Variants in SLC17A1 observed in about 807,000 individuals in gnomAD.
The protein encoded by SLC17A1 is sodium-dependent phosphate transport protein 1.
In SLC17A1, 51 loss-of-function variants were observed where a neutral mutation model predicts 53.5. The ratio of observed to expected loss-of-function variants is 0.95; its 90% CI spans 0.76 to 1.20. The LOEUF (loss-of-function observed/expected upper bound fraction) is 1.20. SLC17A1 is among the 50% of genes most tolerant of loss of function. The probability of loss-of-function intolerance (pLI) is 0.00; values close to 1 mark genes in which losing one functional copy is unlikely to be tolerated. For missense variants in SLC17A1, 538 were observed against 568.2 expected (o/e 0.95, Z 0.54); for synonymous variants, 179 against 198.8 (o/e 0.90, Z 0.84).
chr6:25,779,104 C>A (rs1303268993), downstream of SLC17A1: 1 of 1,613,782 alleles, frequency 6.2e-7, no homozygotes, highest in Non-Finnish European at 8.5e-7. Flanking sequence ...CTGCTGTTAA[C>A]ATATCGGGCC....
At chr6:25,759,628 G>T in the SLC17A1 span, among the ~76,000 whole-genome samples, 1 of 152,174 alleles carries the variant, frequency 6.6e-6, no homozygotes, top group African/African-American at 2.4e-5. Flanking sequence ...ACTCCAGCCT[G>T]GGCGGCAGAG....
At chr6:25,724,569 TAG>T in the SLC17A1 span, among the ~76,000 whole-genome samples, 5 of 152,228 alleles carry the variant, frequency 3.3e-5, no homozygotes, top group Non-Finnish European at 5.9e-5. Flanking sequence ...AGGATTGCAT[TAG>T]AGATAGAAAT....
chr6:25,736,129 T>A, the SLC17A1 span, among the ~76,000 whole-genome samples: 1 of 150,288 alleles, frequency 6.7e-6, no homozygotes, highest in Non-Finnish European at 1.5e-5. Context: ...GGTGGGGTGG[T>A]AGGGGGAATG....
the SLC17A1 span, among the ~76,000 whole-genome samples, chr6:25,753,736 T>G: frequency 6.6e-6 from 1 of 151,568 alleles, no homozygotes; most frequent in Non-Finnish European, 1.5e-5. Context: ...TGGAGGGAGA[T>G]TCAGTTCTGC....
intron 10 of SLC17A1, among the ~76,000 whole-genome samples, chr6:25,802,421 C>T (rs1763808152): frequency 6.6e-6 from 1 of 151,786 alleles, no homozygotes; most frequent in East Asian, 1.9e-4. Flanking sequence ...AATATTTTTC[C>T]TCTCCATTTC....
At chr6:25,728,030 C>A in the SLC17A1 span, among the ~76,000 whole-genome samples, 2 of 151,914 alleles carry the variant, frequency 1.3e-5, no homozygotes, top group African/African-American at 2.4e-5. Flanking sequence ...ACAAAAAAAC[C>A]CCCTAGTTTG....
chr6:25,735,843 G>T, the SLC17A1 span, among the ~76,000 whole-genome samples: 1 of 152,126 alleles, frequency 6.6e-6, no homozygotes, highest in African/African-American at 2.4e-5. Flanking sequence ...TCTGCACTCA[G>T]GTTTAATCAA....
the SLC17A1 span, among the ~76,000 whole-genome samples, chr6:25,746,605 T>A: frequency 6.6e-6 from 1 of 152,172 alleles, no homozygotes; most frequent in Non-Finnish European, 1.5e-5. Context: ...AAAAATCAAA[T>A]TCTTATCACC....
At chr6:25,769,737 CA>C in the SLC17A1 span, among the ~76,000 whole-genome samples, 19 of 152,018 alleles carry the variant, frequency 1.2e-4, no homozygotes, top group Non-Finnish European at 1.9e-4. Context: ...AAAATCACTA[CA>C]AAATATGTTT....
the SLC17A1 span, among the ~76,000 whole-genome samples, chr6:25,764,455 C>A: frequency 6.6e-6 from 1 of 152,224 alleles, no homozygotes; most frequent in Non-Finnish European, 1.5e-5. Context: ...ACAAGCACAA[C>A]ACTTTGAGAA....
intron 6 of SLC17A1, among the ~76,000 whole-genome samples, chr6:25,814,138 A>C (rs146486365): frequency 2.0e-5 from 3 of 152,314 alleles, no homozygotes; most frequent in African/African-American, 7.2e-5. Flanking sequence ...TTTTTATATG[A>C]ATAATTTGAC....
chr6:25,731,688 A>G, the SLC17A1 span: 1 of 850,624 alleles, frequency 1.2e-6, no homozygotes, highest in South Asian at 1.9e-5. Context: ...CATACTCTAT[A>G]ATAAAATAAA....
intron 6 of SLC17A1, among the ~76,000 whole-genome samples, chr6:25,814,362 C>A (rs1294184840): frequency 2.0e-5 from 3 of 152,144 alleles, no homozygotes; most frequent in Non-Finnish European, 4.4e-5. Context: ...TTATTTTATT[C>A]AATCAACTTC....
chr6:25,773,584 C>A, the SLC17A1 span: 1 of 1,613,962 alleles, frequency 6.2e-7, no homozygotes, highest in South Asian at 1.1e-5. Flanking sequence ...CCATTTTAGT[C>A]TCTTATTTCT....
intron 2 of SLC17A1, among the ~76,000 whole-genome samples, chr6:25,830,241 A>G (rs1764898036): frequency 6.6e-6 from 1 of 152,154 alleles, no homozygotes; most frequent in Non-Finnish European, 1.5e-5. Flanking sequence ...TCTCTTGGAG[A>G]TGGAACCAAA....
the SLC17A1 span, among the ~76,000 whole-genome samples, chr6:25,737,080 G>T: frequency 6.6e-6 from 1 of 152,144 alleles, no homozygotes; most frequent in Non-Finnish European, 1.5e-5. Flanking sequence ...AACCACCTTT[G>T]TAAAACTAAT....
the SLC17A1 span, chr6:25,726,532 T>C: frequency 2.5e-6 from 4 of 1,602,742 alleles, no homozygotes; most frequent in Admixed American, 1.7e-5. Context: ...AGACATCTCC[T>C]CGCATCAAAT....
At chr6:25,817,989 C>T (rs1044542953) in intron 6 of SLC17A1, among the ~76,000 whole-genome samples, 1 of 152,158 alleles carries the variant, frequency 6.6e-6, no homozygotes, top group African/African-American at 2.4e-5. Flanking sequence ...TCAGATTATG[C>T]CTCTGCCATC....
intron 6 of SLC17A1, among the ~76,000 whole-genome samples, chr6:25,815,225 G>A (rs2151495441): frequency 7.1e-6 from 1 of 140,254 alleles, no homozygotes; most frequent in Non-Finnish European, 1.5e-5. Flanking sequence ...GGAAGGGAGG[G>A]AGGTAGCAAG....
Sources: allele counts gnomAD v4.1 joint callset (sites outside exome capture counted in the v4.1 genomes callset), GRCh38; gene constraint gnomAD v4.1.1; transcripts MANE v1.5; gene names NCBI Gene and HGNC (gene_info 2026-07-23, HGNC 2026-07-21).